CEP135: variants seen among roughly 807,000 people sequenced by gnomAD.
CEP135 encodes the protein centrosomal protein of 135 kDa.
A neutral mutation model predicts 157.3 loss-of-function variants in CEP135; 142 were observed. The observed-to-expected ratio is 0.90, with a 90% CI of 0.79 to 1.04. CEP135 has a LOEUF of 1.04. Among genes scored for constraint, CEP135 ranks in the 50% least tolerant of loss-of-function variants. The pLI is 0.00. For synonymous variants in CEP135, 396 were observed against 439.8 expected (o/e 0.90, Z 1.25); for missense variants, 1,317 against 1,309.2 (o/e 1.01, Z -0.09).
At chr4:55,972,287 G>T (rs1192782040) in intron 10 of CEP135, among the ~76,000 whole-genome samples, 1 of 152,184 alleles carries the variant, frequency 6.6e-6, no homozygotes, top group Non-Finnish European at 1.5e-5. Context: ...CCCTGCTCTT[G>T]CAGAGCCTTT....
chr4:55,952,487 C>T (rs1728386377), intron 2 of CEP135: 1 of 313,018 alleles, frequency 3.2e-6, no homozygotes, highest in Non-Finnish European at 5.8e-6. Flanking sequence ...AATGGAATTA[C>T]AGTTTTTTGG....
chr4:55,981,087 T>A, intron 12 of CEP135, 140 bp from the exon 13 acceptor site: 1 of 711,438 alleles, frequency 1.4e-6, no homozygotes, highest in East Asian at 3.4e-5. Flanking sequence ...ACTATTTTAA[T>A]CTTTTGTTGG....
chr4:56,013,487 G>C (rs1473992049), intron 21 of CEP135, among the ~76,000 whole-genome samples: 1 of 151,870 alleles, frequency 6.6e-6, no homozygotes. Context: ...TTTCTAATAA[G>C]AGTTTTATAG....
rs533083484 is a variant in CEP135, at chr4:56,004,999, C to T, written c.2281-3328C>T. 2.1e-5 allele frequency among the ~76,000 whole-genome samples: 3 copies of T among 142,698 alleles called. No homozygotes were observed. In the Admixed American group the frequency reaches 2.2e-4, roughly 10 times the overall value. 93.6% of individuals were successfully genotyped at this position (142,698 alleles called of 152,430 possible). A position where few individuals can be genotyped will look rare whatever the true frequency, so the allele number is the denominator to read the frequency against. The stretch of plus-strand genomic sequence containing the variant: ...CTCTTTCTTCCCTTTTTATTGTCAT[C>T]CTTCGTGGTTAAGTGATTTTCTCTG... On this transcript the variant is annotated intron_variant, in intron 17 of 25. Transcript: ENST00000257287.
intron 11 of CEP135, among the ~76,000 whole-genome samples, chr4:55,977,029 C>T (rs1729248059): frequency 6.6e-6 from 1 of 151,542 alleles, no homozygotes; most frequent in East Asian, 1.9e-4. Context: ...TCCATGTTGC[C>T]CAGGCTGGTT....
intron 8 of CEP135, 151 bp from the exon 9 acceptor site, chr4:55,968,912 T>G (rs1728927038): frequency 4.2e-6 from 2 of 477,028 alleles, no homozygotes; most frequent in East Asian, 7.2e-5. Flanking sequence ...GCCTCAATTT[T>G]GCCTCTTCGT....
rs62308566 is a variant in CEP135, at chr4:55,957,563, A to G, written c.614+199A>G. Among the ~76,000 whole-genome samples, 2,079 of 152,348 alleles carry G rather than the reference A, an allele frequency of 0.014. 31 individuals are homozygous for G. Among genetic ancestry groups the G allele is most frequent in the Middle Eastern group, 0.044 (13 of 294 alleles). The stretch of plus-strand genomic sequence containing the variant: ...TTTTGAAACTTTGATCAAATGGATC[A>G]TATATCTAAGGTTTCTGTTCATACT... On this transcript the variant is annotated intron_variant, in intron 5 of 25. Coordinates refer to ENST00000257287, the MANE Select transcript of CEP135 (RefSeq NM_025009.5).
intron 25 of CEP135, among the ~76,000 whole-genome samples, chr4:56,030,571 G>A (rs1053864487): frequency 6.6e-6 from 1 of 152,074 alleles, no homozygotes; most frequent in African/African-American, 2.4e-5. Flanking sequence ...CTCCCACCTT[G>A]GCCTCCTGAG....
chr4:55,992,305 CTG>C (rs1729825140), intron 15 of CEP135, among the ~76,000 whole-genome samples: 1 of 152,116 alleles, frequency 6.6e-6, no homozygotes, highest in Non-Finnish European at 1.5e-5. Context: ...TTTTGGGTAT[CTG>C]TGTTTTTTAA....
At chr4:55,978,997 G>A (rs964979000) in intron 11 of CEP135, among the ~76,000 whole-genome samples, 3 of 152,100 alleles carry the variant, frequency 2.0e-5, no homozygotes, top group Non-Finnish European at 2.9e-5. Flanking sequence ...ATCATGCCTC[G>A]GTTTTGCTTA....
chr4:55,962,922 C>G (rs1301077369), intron 6 of CEP135, among the ~76,000 whole-genome samples: 1 of 152,086 alleles, frequency 6.6e-6, no homozygotes. Context: ...CTGCTGAACT[C>G]CAGACCCATA....
At chr4:55,987,233 C>T (rs917584013) in intron 14 of CEP135, among the ~76,000 whole-genome samples, 3 of 152,120 alleles carry the variant, frequency 2.0e-5, no homozygotes, top group Non-Finnish European at 4.4e-5. Flanking sequence ...TTTCCTGGCC[C>T]TGCATGAGCT....
Position 55,974,749 on chromosome 4 carries a change from G to T in CEP135, c.1253G>T (p.Arg418Leu). Residue 418 changes from arginine to leucine, a missense_variant, in exon 11 of 26, where the codon CGA (arginine) becomes CTA (leucine). By Grantham distance (102) the Arg-to-Leu change is moderately radical (BLOSUM62 -2). Transcript: ENST00000257287. The part of the protein sequence containing the change: ...KKVESFAVTE[R>L]QLTLEVERMR... ...AGTTAACCACTTTAATTTACAGAACGACAACTTACTCTGGAGGTTGAGAGG... is the reference window on the plus strand; with the variant it reads ...AGTTAACCACTTTAATTTACAGAACTACAACTTACTCTGGAGGTTGAGAGG... 6.2e-7 allele frequency: 1 copy of T among 1,608,846 alleles called. No individual in the cohort carries two copies.
At chr4:55,967,779 A>G (rs1055844613) in intron 8 of CEP135, among the ~76,000 whole-genome samples, 3 of 152,298 alleles carry the variant, frequency 2.0e-5, no homozygotes, top group South Asian at 2.1e-4. Flanking sequence ...AATTACCTCA[A>G]TATTTTAAAA....
At chr4:56,026,352 G>A (rs570368482) in intron 25 of CEP135, among the ~76,000 whole-genome samples, 96 of 152,262 alleles carry the variant, frequency 6.3e-4, no homozygotes, top group Non-Finnish European at 1.1e-3. Context: ...TCTCTTTGGC[G>A]TCAGTCATAA....
chr4:55,989,352 C>T (rs1379729659), intron 14 of CEP135, among the ~76,000 whole-genome samples: 1 of 152,116 alleles, frequency 6.6e-6, no homozygotes, highest in Non-Finnish European at 1.5e-5. Flanking sequence ...TTTTAATTTT[C>T]ATAACAGTCA....
chr4:56,022,414 T>C (rs1731001851), intron 24 of CEP135, among the ~76,000 whole-genome samples: 1 of 151,958 alleles, frequency 6.6e-6, no homozygotes. Context: ...AGCAAAAAAA[T>C]TTTAGGTTGT....
chr4:55,981,377 G>C lies in CEP135; in HGVS notation c.1777G>C (p.Glu593Gln). The change falls in exon 13 of 26, where the codon GAG becomes CAG. Residue 593 changes from glutamate to glutamine, a missense_variant and splice_region_variant. Glu to Gln is a conservative substitution (Grantham distance 29). Coordinates refer to ENST00000257287, the MANE Select transcript of CEP135 (RefSeq NM_025009.5). ...AAAGGAAGCTTTAAGAGAAAAATTA[G>C]AGGTAAGAAGATTGACATGTTTTTG... ...AEKEALREKL[E>Q]HIEEVSLFGK... The C allele has an allele frequency of 6.4e-7, 1 of 1,568,862 alleles. No individual in the cohort carries two copies.
At chr4:56,022,019 C>T (rs1427205198) in intron 24 of CEP135, among the ~76,000 whole-genome samples, 2 of 152,046 alleles carry the variant, frequency 1.3e-5, no homozygotes, top group East Asian at 3.9e-4. Flanking sequence ...AACAGTGAAA[C>T]CCTGTCTCAA....
Sources: gnomAD v4.1 joint callset for allele counts (sites outside exome capture counted in the v4.1 genomes callset) on GRCh38, gnomAD v4.1.1 for gene constraint, MANE v1.5 for transcripts, NCBI Gene and HGNC (gene_info 2026-07-23, HGNC 2026-07-21) for gene names.